Variants in RPL31 observed in about 807,000 individuals in gnomAD.
The protein encoded by RPL31 is ribosomal protein L31, also known as large ribosomal subunit protein eL31.
For synonymous variants in RPL31, 51 were observed against 55.0 expected, an observed-to-expected ratio of 0.93 and a Z score of 0.32; for missense variants, 95 against 164.0, an observed-to-expected ratio of 0.58 and a Z score of 2.30.
downstream of RPL31, among the ~76,000 whole-genome samples, chr2:101,010,251 C>T (rs926644021): frequency 1.2e-4 from 18 of 152,168 alleles, no homozygotes; most frequent in Admixed American, 6.5e-5. Flanking sequence ...AGAGACTCCT[C>T]TATCAGTACT....
intron 1 of RPL31, 84 bp from the exon 2 acceptor site, chr2:101,002,618 A>G: frequency 8.6e-7 from 1 of 1,167,210 alleles, no homozygotes; most frequent in Non-Finnish European, 1.3e-6. Context: ...AAGCGCCCCG[A>G]GAGTGACAGC....
intron 2 of RPL31, 151 bp from the exon 3 acceptor site, chr2:101,004,007 C>T: frequency 1.3e-6 from 1 of 782,182 alleles, no homozygotes. Context: ...AGCACACTGG[C>T]CTACTGTATG....
chr2:101,017,978 G>A lies in RPL31; in HGVS notation c.347-1020G>A, dbSNP rs180982949. 118 of 1,529,640 alleles carry A rather than the reference G, an allele frequency of 7.7e-5. No individual in the cohort carries two copies. The East Asian group carries it at 1.4e-3, about 19-fold the overall frequency. The allele number at this position is 1,529,640 out of a possible 1,614,324, so 94.8% of individuals were successfully genotyped here. A position where few individuals can be genotyped will look rare whatever the true frequency, so the allele number is the denominator to read the frequency against. On this transcript the variant is annotated intron_variant, in intron 4 of 4. Coordinates refer to the RPL31 transcript ENST00000409028. ...GGTGAAAAGTCATTATAGAGGATTCGAACGGTTCCAATGCTCGCAATTCTA... is the reference window on the plus strand; with the variant it reads ...GGTGAAAAGTCATTATAGAGGATTCAAACGGTTCCAATGCTCGCAATTCTA...
chr2:101,015,140 G>T (rs1457734711), intron 4 of RPL31, among the ~76,000 whole-genome samples: 1 of 152,164 alleles, frequency 6.6e-6, no homozygotes, highest in Non-Finnish European at 1.5e-5. Flanking sequence ...AACCTGTACA[G>T]CATGTTACTG....
intron 3 of RPL31, chr2:101,004,557 G>T (rs545304955): frequency 2.2e-6 from 1 of 449,654 alleles, no homozygotes; most frequent in Non-Finnish European, 3.9e-6. Context: ...TGGGAGCGGG[G>T]TGGTGAACGC....
downstream of RPL31, chr2:101,008,186 CTG>C (rs761387446): frequency 2.4e-5 from 39 of 1,613,172 alleles, no homozygotes; most frequent in Non-Finnish European, 3.0e-5. Flanking sequence ...AGTGTGGTGA[CTG>C]TGGCGATGGC....
chr2:101,010,298 G>A (rs2105358112), downstream of RPL31, among the ~76,000 whole-genome samples: 1 of 152,252 alleles, frequency 6.6e-6, no homozygotes, highest in South Asian at 2.1e-4. Flanking sequence ...AGGAAATGGA[G>A]CAAGCACAGT....
chr2:101,017,965 TTA>T, intron 4 of RPL31: 1 of 1,546,142 alleles, frequency 6.5e-7, no homozygotes, highest in Non-Finnish European at 8.7e-7. Flanking sequence ...TGAAAAGTCA[TTA>T]TAGAGGATTC....
chr2:101,011,059 T>A, downstream of RPL31: 1 of 1,595,374 alleles, frequency 6.3e-7, no homozygotes, highest in Admixed American at 1.7e-5. Context: ...TGTGGTTTAA[T>A]TTAAATAAAT....
intron 2 of RPL31, among the ~76,000 whole-genome samples, chr2:101,003,872 G>A (rs563871878): frequency 1.1e-3 from 166 of 152,172 alleles, no homozygotes; most frequent in Non-Finnish European, 1.6e-3. Flanking sequence ...TGTCCTAAGT[G>A]TTATGCTAAT....
In RPL31 at chr2:101,004,143, A is replaced by G. The variant is rs1483372520; in HGVS notation, c.108-15A>G. The G allele has an allele frequency of 7.4e-6, 12 of 1,611,886 alleles. No individual in the cohort carries two copies. The highest frequency in any genetic ancestry group is 1.0e-5 in the Non-Finnish European group (12 of 1,179,188). The stretch of plus-strand genomic sequence containing the variant: ...TTGTGCTCCTTTAATTTGTTCACTT[A>G]TGTTTGAATCGTAGGGGCTTCAAGA... On this transcript the variant is annotated splice_polypyrimidine_tract_variant and intron_variant, in intron 2 of 4. Transcript: ENST00000264258.
At chr2:101,015,912 A>G (rs1679598406) in intron 4 of RPL31, among the ~76,000 whole-genome samples, 1 of 152,086 alleles carries the variant, frequency 6.6e-6, no homozygotes, top group African/African-American at 2.4e-5. Context: ...CACCTTATAC[A>G]AAAATTAATT....
chr2:101,011,547 A>C, downstream of RPL31: 1 of 1,613,966 alleles, frequency 6.2e-7, no homozygotes, highest in Non-Finnish European at 8.5e-7. Context: ...AGTGCTTAAA[A>C]AAAGATGAGA....
downstream of RPL31, chr2:101,011,438 A>G (rs1438374331): frequency 6.2e-7 from 1 of 1,613,724 alleles, no homozygotes; most frequent in Non-Finnish European, 8.5e-7. Context: ...CAACAATGAA[A>G]AGAGGTACGT....
chr2:101,003,389 T>C (rs1392694899), intron 2 of RPL31, among the ~76,000 whole-genome samples: 1 of 152,166 alleles, frequency 6.6e-6, no homozygotes, highest in Non-Finnish European at 1.5e-5. Context: ...CTCGGCTCAC[T>C]GCAACCTCCG....
At chr2:101,016,573 G>T (rs1679652341) in intron 4 of RPL31, among the ~76,000 whole-genome samples, 1 of 151,960 alleles carries the variant, frequency 6.6e-6, no homozygotes, top group Admixed American at 6.5e-5. Context: ...CCCATTACTG[G>T]GTATACACCC....
intron 3 of RPL31, chr2:101,005,551 G>A: frequency 5.6e-6 from 1 of 177,630 alleles, no homozygotes; most frequent in Non-Finnish European, 1.2e-5. Flanking sequence ...CTCAGATGAT[G>A]CACCCACCTC....
intron 4 of RPL31, among the ~76,000 whole-genome samples, chr2:101,017,475 A>G (rs1341203856): frequency 2.6e-5 from 4 of 152,242 alleles, no homozygotes; most frequent in African/African-American, 9.6e-5. Flanking sequence ...TATGGTGTTT[A>G]CAATGGCTAA....
At chr2:101,003,501 C>T (rs574219669) in intron 2 of RPL31, among the ~76,000 whole-genome samples, 5 of 152,304 alleles carry the variant, frequency 3.3e-5, no homozygotes, top group African/African-American at 1.2e-4. Flanking sequence ...TTTATTTTCC[C>T]TGGTTTGTCT....
Sources: allele counts gnomAD v4.1 joint callset (sites outside exome capture counted in the v4.1 genomes callset), GRCh38; gene constraint gnomAD v4.1.1; transcripts MANE v1.5; gene names NCBI Gene and HGNC (gene_info 2026-07-23, HGNC 2026-07-21).